Variants in EPN1 observed in about 807,000 individuals in gnomAD.
EPN1 encodes the protein epsin-1.
In EPN1, 25 loss-of-function variants were observed where a neutral mutation model predicts 56.9. The observed-to-expected ratio is 0.44, with a 90% CI of 0.32 to 0.61. The LOEUF (loss-of-function observed/expected upper bound fraction) is 0.61. Among genes scored for constraint, EPN1 ranks in the 20% least tolerant of loss-of-function variants. The pLI is 0.05. For missense variants in EPN1, 785 were observed against 823.7 expected (o/e 0.95, Z 0.58); for synonymous variants, 411 against 361.8 (o/e 1.14, Z -1.54).
At chr19:55,675,960 C>T (rs1012959546) in intron 1 of EPN1, among the ~76,000 whole-genome samples, 3 of 152,204 alleles carry the variant, frequency 2.0e-5, no homozygotes, top group Non-Finnish European at 2.9e-5. Flanking sequence ...GAATCTGCCC[C>T]TTTTCCCCAG....
chr19:55,684,581 T>C (rs1986037684), intron 2 of EPN1, among the ~76,000 whole-genome samples: 1 of 152,244 alleles, frequency 6.6e-6, no homozygotes, highest in African/African-American at 2.4e-5. Flanking sequence ...CTTTTGCTCC[T>C]GGTGGTGTGG....
rs1347677454 is a variant in EPN1, at chr19:55,694,682, A to G, written c.1265-44A>G. On this transcript the variant is annotated intron_variant, in intron 9 of 10. Transcript: ENST00000270460. The surrounding 1 kb of genome is among the most constrained non-coding windows in gnomAD (Gnocchi z 4.2). ...TATACTGCTCCCGGGTTGGAGCCTC[A>G]CTGCTGTCTGCCCTGTCTGAGCCCC... is the stretch of plus-strand genomic sequence containing the variant. The G allele has an allele frequency of 6.6e-7, 1 of 1,515,710 alleles. No homozygotes were observed. Among genetic ancestry groups the G allele is most frequent in the East Asian group, 2.3e-5 (1 of 43,976 alleles). 93.9% of individuals were successfully genotyped at this position (1,515,710 alleles called of 1,614,324 possible).
At position 55,694,641 on chromosome 19, in the gene EPN1, G is replaced by GC; in HGVS notation, c.1265-80dup. On this transcript the variant is annotated intron_variant, in intron 9 of 10. Coordinates refer to ENST00000270460, the MANE Select transcript of EPN1 (RefSeq NM_001130072.2). The surrounding 1 kb of genome is among the most constrained non-coding windows in gnomAD (Gnocchi z 4.2). The stretch of plus-strand genomic sequence containing the variant: ...CTCTGGGCACCGGGCTCTTTGAAGC[G>GC]CCCCCTATGATGGCCTATACTGCTC... 1.4e-6 allele frequency: 2 copies of GC among 1,442,614 alleles called. No homozygotes were observed. The highest frequency in any genetic ancestry group is 1.8e-6 in the Non-Finnish European group (2 of 1,095,750). The allele number at this position is 1,442,614 out of a possible 1,614,324, so 89.4% of individuals were successfully genotyped here. A position where few individuals can be genotyped will look rare whatever the true frequency, so the allele number is the denominator to read the frequency against.
At chr19:55,677,614 G>T (rs1163004949) in intron 1 of EPN1, 1 of 1,551,392 alleles carries the variant, frequency 6.4e-7, no homozygotes, top group Non-Finnish European at 8.7e-7. Context: ...CGAGCACCTG[G>T]CACACAGCAG....
chr19:55,688,702 T>G (rs995048805), intron 3 of EPN1, among the ~76,000 whole-genome samples, 168 bp from the exon 4 acceptor site: 5 of 147,766 alleles, frequency 3.4e-5, no homozygotes, highest in African/African-American at 1.2e-4. Context: ...TCTGAGCACC[T>G]GGCGTCTGGT....
At chr19:55,687,646 G>T (rs774904644) in intron 3 of EPN1, among the ~76,000 whole-genome samples, 1 of 152,006 alleles carries the variant, frequency 6.6e-6, no homozygotes, top group Non-Finnish European at 1.5e-5. Context: ...CTGTGCGCTG[G>T]CCTCACCTGT....
At chr19:55,690,091 G>A (rs1048627228) in intron 6 of EPN1, 141 bp downstream of exon 6, 6 of 855,622 alleles carry the variant, frequency 7.0e-6, no homozygotes, top group Admixed American at 2.7e-5. Context: ...AGGCTTGGTC[G>A]GCCTCTCTGT....
rs1396494223 is a variant in EPN1 at position 55,709,100 on chromosome 19, CCT to C, written c.*13749_*13750del. 4 of 1,314,038 alleles carry C rather than the reference CCT, an allele frequency of 3.0e-6. No homozygotes were observed. The Admixed American group carries it at 8.2e-5, about 27-fold the overall frequency. 81.4% of individuals were successfully genotyped at this position (1,314,038 alleles called of 1,614,324 possible). A position where few individuals can be genotyped will look rare whatever the true frequency, so the allele number is the denominator to read the frequency against. On this transcript the variant is annotated 3_prime_UTR_variant, in exon 11 of 11. Transcript: ENST00000270460. The stretch of plus-strand genomic sequence containing the variant: ...TGTTTTTCATTTTTACACAGTATTG[CCT>C]CTCTACATTCTGATGTCTACCTCTC...
chr19:55,678,709 A>G lies in EPN1; in HGVS notation c.82A>G (p.Thr28Ala). 1 of 1,614,210 alleles carries G rather than the reference A, an allele frequency of 6.2e-7. No individual in the cohort carries two copies. The highest frequency in any genetic ancestry group is 8.5e-7 in the Non-Finnish European group (1 of 1,180,012). ...SEAEIKVREATSNDPWGPSSS... is the reference protein window; with the variant it reads ...SEAEIKVREAASNDPWGPSSS... Reference sequence around the variant, plus strand: ...GGCGGAGATCAAGGTTCGAGAGGCCACGAGCAATGACCCCTGGGGCCCATC... The same window carrying G: ...GGCGGAGATCAAGGTTCGAGAGGCCGCGAGCAATGACCCCTGGGGCCCATC... The change falls in exon 2 of 11, where the codon ACG (threonine) becomes GCG (alanine). Residue 28 changes from threonine (T) to alanine (A), a missense_variant. Around this residue, in one of 2 missense-constraint regions of EPN1, gnomAD observed 135 missense variants for 218.7 expected, o/e 0.62. Coordinates refer to ENST00000270460, the MANE Select transcript of EPN1 (RefSeq NM_001130072.2).
At chr19:55,687,373 G>A (rs1001933196) in intron 3 of EPN1, among the ~76,000 whole-genome samples, 1 of 152,114 alleles carries the variant, frequency 6.6e-6, no homozygotes, top group African/African-American at 2.4e-5. Context: ...GGGCAGCACC[G>A]AGGCTGGGTG....
chr19:55,693,017 C>G lies in EPN1; in HGVS notation c.1244C>G (p.Pro415Arg). Residue 415 changes from proline (P) to arginine (R), a missense_variant, in exon 9 of 11, where the codon CCG becomes CGG. By Grantham distance (103) the Pro-to-Arg change is moderately radical. Transcript: ENST00000270460. Reference protein sequence around the residue: ...SDFDRLRTALPTSGSSAGELE... With the variant: ...SDFDRLRTALRTSGSSAGELE... The stretch of plus-strand genomic sequence containing the variant: ...TTTGACCGACTCCGCACGGCACTGC[C>G]GACCTCCGGGAGCAGCGCAGGTGAG... 4 of 1,613,170 alleles carry G rather than the reference C, an allele frequency of 2.5e-6. No individual in the cohort carries two copies. Among genetic ancestry groups the G allele is most frequent in the Non-Finnish European group, 3.4e-6 (4 of 1,179,508 alleles).
rs888596851 is a variant in EPN1, at chr19:55,689,608, C to A, written c.678+237C>A. Among the ~76,000 whole-genome samples the A allele has an allele frequency of 2.6e-5, 4 of 152,308 alleles. No homozygotes were observed. Among genetic ancestry groups the A allele is most frequent in the Admixed American group, 1.3e-4 (2 of 15,306 alleles). On this transcript the variant is annotated intron_variant, in intron 5 of 10. Transcript: ENST00000270460. This position sits in a 1 kb window ranked among gnomAD's most constrained non-coding sequence, Gnocchi z 5.7. ...GGGTGACCAGGGTCCCTTCCTCCCC[C>A]CAACGCAGGAGATACCACCGAGGCG...
chr19:55,685,957 C>T (rs906000197), intron 3 of EPN1, among the ~76,000 whole-genome samples: 2 of 152,224 alleles, frequency 1.3e-5, no homozygotes, highest in African/African-American at 4.8e-5. Flanking sequence ...GGGGACAGGG[C>T]TCTGAGGGGA....
At position 55,689,180 on chromosome 19, in the gene EPN1, C is replaced by T; in HGVS notation, c.604-117C>T. ...TCTGCGTGTCACTCTCTGCCTGTCC[C>T]TCACTGGTTCAGGGACCCCCAGCCC... On this transcript the variant is annotated intron_variant, in intron 4 of 10. Transcript: ENST00000270460. This position sits in a 1 kb window ranked among gnomAD's most constrained non-coding sequence, Gnocchi z 5.7. 2.6e-6 allele frequency: 3 copies of T among 1,134,724 alleles called. No homozygotes were observed. The highest frequency in any genetic ancestry group is 2.5e-6 in the Non-Finnish European group (2 of 792,006). The allele number at this position is 1,134,724 out of a possible 1,614,324, so 70.3% of individuals were successfully genotyped here. A position where few individuals can be genotyped will look rare whatever the true frequency, so the allele number is the denominator to read the frequency against.
chr19:55,692,527 T>C (rs1031456210), intron 7 of EPN1, 159 bp from the exon 8 acceptor site: 13 of 499,260 alleles, frequency 2.6e-5, no homozygotes, highest in Admixed American at 1.5e-4. Context: ...AGAAGCCCAG[T>C]TGGAATTTGA....
intron 2 of EPN1, among the ~76,000 whole-genome samples, chr19:55,683,164 T>C (rs1985938215): frequency 6.6e-6 from 1 of 152,156 alleles, no homozygotes; most frequent in South Asian, 2.1e-4. Flanking sequence ...CAAGCGATTC[T>C]CCTGCCTCAG....
Position 55,703,766 on chromosome 19 carries a change from G to A in EPN1, c.*8410G>A, listed in dbSNP as rs1291623123. The A allele has an allele frequency of 6.6e-6, 1 of 152,250 alleles. No individual in the cohort carries two copies. Among genetic ancestry groups the A allele is most frequent in the Non-Finnish European group, 1.5e-5 (1 of 68,052 alleles). 9.4% of individuals were successfully genotyped at this position (152,250 alleles called of 1,614,324 possible). ...AGAACAGTTGAAATGTGGCCAGCAT[G>A]AGATTTTTTTAATCTTGCCAATTTT... is the stretch of plus-strand genomic sequence containing the variant. On this transcript the variant is annotated 3_prime_UTR_variant, in exon 11 of 11. Transcript: ENST00000270460.
rs768165348 is a variant in EPN1, at chr19:55,706,280, CTTCT to C, written c.*10927_*10930del. 18,873 of 129,200 alleles carry C rather than the reference CTTCT, an allele frequency of 0.15. 1,463 individuals are homozygous for C. The highest frequency in any genetic ancestry group is 0.19 in the Middle Eastern group (50 of 260). 8.0% of individuals were successfully genotyped at this position (129,200 alleles called of 1,614,324 possible). On this transcript the variant is annotated 3_prime_UTR_variant, in exon 11 of 11. Coordinates refer to ENST00000270460, the MANE Select transcript of EPN1 (RefSeq NM_001130072.2). Reference sequence around the variant, plus strand: ...TTTCTTCCTTTCTTCTCTTTTTCTTCTTCTTTTTTTTTTTTTTTTAAAAGACCGT... The same window carrying C: ...TTTCTTCCTTTCTTCTCTTTTTCTTCTTTTTTTTTTTTTTTAAAAGACCGT...
rs1019289230 is a variant in EPN1 at position 55,700,729 on chromosome 19, T to C, written c.*5373T>C. 6.6e-6 allele frequency: 1 copy of C among 152,254 alleles called. No individual in the cohort carries two copies. The highest frequency in any genetic ancestry group is 2.4e-5 in the African/African-American group (1 of 41,448). 9.4% of individuals were successfully genotyped at this position (152,254 alleles called of 1,614,324 possible). A position where few individuals can be genotyped will look rare whatever the true frequency, so the allele number is the denominator to read the frequency against. On this transcript the variant is annotated 3_prime_UTR_variant, in exon 11 of 11. Coordinates refer to ENST00000270460, the MANE Select transcript of EPN1 (RefSeq NM_001130072.2). ...GCCCCTCCCCTGGAGCACTTAAAAA[T>C]GGTAATGACATGCTCTCTAGTAATC...
Sources: gnomAD v4.1 joint callset for allele counts (sites outside exome capture counted in the v4.1 genomes callset) on GRCh38, gnomAD v4.1.1 for gene constraint, gnomAD v4.1.1 regional missense constraint, Gnocchi (gnomAD v3.1) non-coding constraint, MANE v1.5 for transcripts, NCBI Gene and HGNC (gene_info 2026-07-23, HGNC 2026-07-21) for gene names.